CDK5RAP2: variants seen among roughly 807,000 people sequenced by gnomAD.
The protein encoded by CDK5RAP2 is CDK5 regulatory subunit associated protein 2.
Under a neutral mutation model 232.9 loss-of-function variants are expected in CDK5RAP2, and 147 were observed. The observed-to-expected ratio is 0.63, with a 90% CI of 0.55 to 0.72. The LOEUF (loss-of-function observed/expected upper bound fraction) is 0.72, where lower values mean the gene tolerates loss of function less well. CDK5RAP2 is among the 30% of genes least tolerant of loss of function. The pLI, the probability that CDK5RAP2 is intolerant of heterozygous loss-of-function variation, is 0.00. For synonymous variants in CDK5RAP2, 833 were observed against 833.7 expected, an observed-to-expected ratio of 1.00 and a Z score of 0.01; for missense variants, 2,195 against 2,231.5, an observed-to-expected ratio of 0.98 and a Z score of 0.33.
At chr9:120,461,614 G>A (rs1030805598) in intron 18 of CDK5RAP2, among the ~76,000 whole-genome samples, 1 of 152,212 alleles carries the variant, frequency 6.6e-6, no homozygotes, top group Non-Finnish European at 1.5e-5. Context: ...CCCTAGGCAG[G>A]CAGATTGCTT....
At chr9:120,417,745 T>C (rs1419589171) in intron 27 of CDK5RAP2, among the ~76,000 whole-genome samples, 2 of 152,168 alleles carry the variant, frequency 1.3e-5, no homozygotes, top group East Asian at 3.8e-4. Flanking sequence ...TAATGCCCTT[T>C]TGACAAATGC....
intron 11 of CDK5RAP2, among the ~76,000 whole-genome samples, chr9:120,522,198 T>A (rs2040698194): frequency 6.6e-6 from 1 of 152,148 alleles, no homozygotes; most frequent in Admixed American, 6.5e-5. Context: ...CTGCTAAAAA[T>A]CTGAATAAGG....
At chr9:120,498,933 CAA>C (rs2039446791) in intron 12 of CDK5RAP2, among the ~76,000 whole-genome samples, 1 of 152,002 alleles carries the variant, frequency 6.6e-6, no homozygotes, top group African/African-American at 2.4e-5. Flanking sequence ...TTTTTAGAGA[CAA>C]GGTCTTACTA....
In CDK5RAP2 at chr9:120,415,142, T is replaced by C; in HGVS notation, c.4195A>G (p.Ile1399Val). 1 of 1,614,126 alleles carries C rather than the reference T, an allele frequency of 6.2e-7. No individual in the cohort carries two copies. The highest frequency in any genetic ancestry group is 8.5e-7 in the Non-Finnish European group (1 of 1,179,946). The change falls in exon 28 of 38, where the codon ATA becomes GTA. Residue 1399 changes from isoleucine (I) to valine (V), a missense_variant. Physicochemically the swap from Ile to Val is conservative, Grantham distance 29 (BLOSUM62 3). Coordinates refer to ENST00000349780, the MANE Select transcript of CDK5RAP2 (RefSeq NM_018249.6). ...TTTCTCAAAGTTCGAATTTCCTGTA[T>C]GTGTTCCATTAGTAAGTCTACAGGA... ...SFSQDLLMEHIQEIRTLRKRL... is the reference protein window; with the variant it reads ...SFSQDLLMEHVQEIRTLRKRL...
chr9:120,400,726 A>G lies in CDK5RAP2; in HGVS notation c.5451+16T>C. ...AGTGGCATCCTTGAGCCTCTGAAAC[A>G]TGTGTCACCACCTACCTGCTCACAG... is the stretch of plus-strand genomic sequence containing the variant. On this transcript the variant is annotated intron_variant, in intron 35 of 37. Coordinates refer to ENST00000349780, the MANE Select transcript of CDK5RAP2 (RefSeq NM_018249.6). 1.2e-6 allele frequency: 2 copies of G among 1,612,928 alleles called. No individual in the cohort carries two copies. The highest frequency in any genetic ancestry group is 8.5e-7 in the Non-Finnish European group (1 of 1,179,962).
At chr9:120,452,223 G>A (rs1434092057) in intron 21 of CDK5RAP2, among the ~76,000 whole-genome samples, 2 of 147,530 alleles carry the variant, frequency 1.4e-5, no homozygotes, top group African/African-American at 2.6e-5. Context: ...TTCTAGTACC[G>A]TTAATATAAT....
At chr9:120,538,966 A>C in intron 6 of CDK5RAP2, 75 bp downstream of exon 6, 1 of 1,518,350 alleles carries the variant, frequency 6.6e-7, no homozygotes. Flanking sequence ...GTTTATAAAA[A>C]AAGAAACAAA....
In CDK5RAP2 at chr9:120,470,204, A is replaced by C; in HGVS notation, c.1875T>G (p.Leu625=). 6.4e-7 allele frequency: 1 copy of C among 1,559,808 alleles called. No individual in the cohort carries two copies. The highest frequency in any genetic ancestry group is 1.2e-5 in the South Asian group (1 of 85,964). Residue 625 remains leucine, a synonymous_variant, in exon 17 of 38, where the codon CTT becomes CTG. Transcript: ENST00000349780. Reference sequence around the variant, plus strand: ...TTAGATAAGATGTTTGATCACTATAAAGTGAAAATGATTCTTCTGCCCAAA... The same window carrying C: ...TTAGATAAGATGTTTGATCACTATACAGTGAAAATGATTCTTCTGCCCAAA... ...IRRREEESFS[L]YSDQTSYLSI...
At chr9:120,436,876 G>A (rs1395560084) in intron 25 of CDK5RAP2, among the ~76,000 whole-genome samples, 1 of 152,022 alleles carries the variant, frequency 6.6e-6, no homozygotes, top group Non-Finnish European at 1.5e-5. Flanking sequence ...TAAAAATTTT[G>A]CTTGGTTGAC....
At chr9:120,393,520 C>T (rs774433127) in intron 36 of CDK5RAP2, among the ~76,000 whole-genome samples, 1 of 152,256 alleles carries the variant, frequency 6.6e-6, no homozygotes, top group African/African-American at 2.4e-5. Flanking sequence ...ACAAGGCAGG[C>T]TGGCACCTCC....
intron 5 of CDK5RAP2, among the ~76,000 whole-genome samples, chr9:120,542,335 T>C (rs1050968147): frequency 1.3e-5 from 2 of 152,054 alleles, no homozygotes; most frequent in Non-Finnish European, 2.9e-5. Flanking sequence ...TGAAACCCTG[T>C]CTCTACTAAA....
chr9:120,521,797 C>G (rs1002278107), intron 11 of CDK5RAP2, among the ~76,000 whole-genome samples: 5 of 151,890 alleles, frequency 3.3e-5, no homozygotes, highest in Admixed American at 3.3e-4. Context: ...AGGCGCCCAC[C>G]ACCACACCTG....
At chr9:120,395,734 A>T (rs1201468394) in intron 35 of CDK5RAP2, among the ~76,000 whole-genome samples, 1 of 152,242 alleles carries the variant, frequency 6.6e-6, no homozygotes, top group Admixed American at 6.5e-5. Flanking sequence ...ATTAAATATT[A>T]AGTAAGCCCA....
chr9:120,455,091 G>C (rs2036684790), intron 20 of CDK5RAP2, among the ~76,000 whole-genome samples: 1 of 152,122 alleles, frequency 6.6e-6, no homozygotes, highest in Non-Finnish European at 1.5e-5. Flanking sequence ...GTGGGCACTG[G>C]GGATACAAAA....
chr9:120,507,894 G>A (rs1462626019), intron 12 of CDK5RAP2, among the ~76,000 whole-genome samples: 1 of 105,422 alleles, frequency 9.5e-6, no homozygotes, highest in Non-Finnish European at 1.7e-5. Context: ...GGTTCTCTTA[G>A]AGCAGACTGG....
Position 120,568,278 on chromosome 9 carries a change from A to G in CDK5RAP2, c.195+43T>C, listed in dbSNP as rs371162504. On this transcript the variant is annotated intron_variant, in intron 3 of 37. Coordinates refer to ENST00000349780, the MANE Select transcript of CDK5RAP2 (RefSeq NM_018249.6). Reference sequence around the variant, plus strand: ...CTGGGTCTGGCTGGACAGTGGCAGCAGACACAATTTGTTGGGGGCAGTAAT... The same window carrying G: ...CTGGGTCTGGCTGGACAGTGGCAGCGGACACAATTTGTTGGGGGCAGTAAT... 2.4e-4 allele frequency: 351 copies of G among 1,445,178 alleles called. 1 individual carries two copies. The highest frequency in any genetic ancestry group is 8.2e-5 in the Non-Finnish European group (84 of 1,025,586). The allele number at this position is 1,445,178 out of a possible 1,614,324, so 89.5% of individuals were successfully genotyped here. A position where few individuals can be genotyped will look rare whatever the true frequency, so the allele number is the denominator to read the frequency against.
In CDK5RAP2 at chr9:120,440,016, T is replaced by C. The variant is rs779524779; in HGVS notation, c.3149-44A>G. On this transcript the variant is annotated intron_variant, in intron 23 of 37. Coordinates refer to ENST00000349780, the MANE Select transcript of CDK5RAP2 (RefSeq NM_018249.6). The stretch of plus-strand genomic sequence containing the variant: ...TATGTCAGTATCTCTTTTACTAAAA[T>C]CCAAACCCTCTCTCCTTCCTCACAG... The C allele has an allele frequency of 3.2e-6, 5 of 1,553,588 alleles. No individual in the cohort carries two copies. In the East Asian group the frequency reaches 1.1e-4, roughly 35 times the overall value.
At chr9:120,405,110 G>A (rs1291998175) in intron 32 of CDK5RAP2, among the ~76,000 whole-genome samples, 2 of 152,206 alleles carry the variant, frequency 1.3e-5, no homozygotes, top group African/African-American at 2.4e-5. Flanking sequence ...TCCCAGGGGT[G>A]TGCTACAGTT....
At chr9:120,467,637 GA>G (rs1445726925) in intron 18 of CDK5RAP2, among the ~76,000 whole-genome samples, 2 of 152,006 alleles carry the variant, frequency 1.3e-5, no homozygotes, top group African/African-American at 2.4e-5. Flanking sequence ...ACATATATAT[GA>G]ATATATGGTT....
Sources: gnomAD v4.1 joint callset for allele counts (sites outside exome capture counted in the v4.1 genomes callset) on GRCh38, gnomAD v4.1.1 for gene constraint, MANE v1.5 for transcripts, NCBI Gene and HGNC (gene_info 2026-07-23, HGNC 2026-07-21) for gene names.